The following TRAPPC12 variants were observed in gnomAD, a reference collection of about 807,000 sequenced individuals.
TRAPPC12 encodes TPR repeat protein 15.
TRAPPC12 carries 61 observed loss-of-function variants against 69.2 expected under a neutral mutation model. The observed-to-expected ratio is 0.88, with a 90% CI of 0.72 to 1.09. The LOEUF (loss-of-function observed/expected upper bound fraction) is 1.09, where lower values mean the gene tolerates loss of function less well. Among genes scored for constraint, TRAPPC12 ranks in the 50% least tolerant of loss-of-function variants. The probability of loss-of-function intolerance (pLI) is 0.00; values close to 1 mark genes in which losing one functional copy is unlikely to be tolerated. For missense variants in TRAPPC12, 1,101 were observed against 1,016.4 expected (o/e 1.08, Z -1.13); for synonymous variants, 469 against 438.9 (o/e 1.07, Z -0.86).
intron 8 of TRAPPC12, among the ~76,000 whole-genome samples, chr2:3,464,352 G>A (rs1180352378): frequency 1.3e-5 from 2 of 151,982 alleles, no homozygotes; most frequent in Non-Finnish European, 2.9e-5. Context: ...GTACTAGACT[G>A]GAGAGAGTCG....
Position 3,382,194 on chromosome 2 carries a change from G to A in TRAPPC12, c.-5+2318G>A, listed in dbSNP as rs1032071167. On this transcript the variant is annotated intron_variant, in intron 1 of 11. Coordinates refer to ENST00000324266, the MANE Select transcript of TRAPPC12 (RefSeq NM_016030.6). ...TCTGCCGCCAGGCTGGAGTGCAGTG[G>A]CACGATCTTGGCTCACTGCAACCTC... 4.1e-5 allele frequency among the ~76,000 whole-genome samples: 6 copies of A among 145,738 alleles called. No individual in the cohort carries two copies. The East Asian group carries it at 1.2e-3, about 29-fold the overall frequency.
At chr2:3,401,483 G>A (rs1661440153) in intron 2 of TRAPPC12, among the ~76,000 whole-genome samples, 1 of 152,180 alleles carries the variant, frequency 6.6e-6, no homozygotes, top group Non-Finnish European at 1.5e-5. Context: ...GGTAGTAGGC[G>A]GTAGGACTTA....
At chr2:3,428,736 T>G (rs1663258679) in intron 5 of TRAPPC12, among the ~76,000 whole-genome samples, 1 of 152,176 alleles carries the variant, frequency 6.6e-6, no homozygotes, top group Admixed American at 6.5e-5. Context: ...CTTGGTTGTT[T>G]GGAGACTCCC....
At chr2:3,388,796 T>A in intron 2 of TRAPPC12, 126 bp downstream of exon 2, 1 of 978,532 alleles carries the variant, frequency 1.0e-6, no homozygotes, top group Non-Finnish European at 1.5e-6. Context: ...CATCCCATTG[T>A]GAGCGCCTGT....
intron 5 of TRAPPC12, among the ~76,000 whole-genome samples, 181 bp downstream of exon 5, chr2:3,424,844 A>G (rs749832329): frequency 1.3e-5 from 2 of 152,228 alleles, no homozygotes; most frequent in Non-Finnish European, 2.9e-5. Flanking sequence ...CGAAACACTG[A>G]CCTGGAGGTG....
chr2:3,394,478 G>A (rs1034704019), intron 2 of TRAPPC12, among the ~76,000 whole-genome samples: 10 of 152,230 alleles, frequency 6.6e-5, no homozygotes, highest in African/African-American at 2.2e-4. Context: ...AAAAACAGCC[G>A]GACGTGGTGG....
intron 9 of TRAPPC12, chr2:3,466,165 G>A: frequency 2.3e-6 from 1 of 431,316 alleles, no homozygotes; most frequent in Non-Finnish European, 4.9e-6. Flanking sequence ...CCTTGAAGCT[G>A]GAATGCATTT....
At chr2:3,475,516 CTT>C (rs966872688) in intron 9 of TRAPPC12, among the ~76,000 whole-genome samples, 1 of 146,908 alleles carries the variant, frequency 6.8e-6, no homozygotes, top group Non-Finnish European at 1.5e-5. Flanking sequence ...TTGCTCCTAA[CTT>C]TTAGAAATCG....
rs1031991430 is a variant in TRAPPC12 at position 3,414,627 on chromosome 2, T to A, written c.1165-7254T>A. ...CGTTTCCTGAATCCTCAGGCATCAG[T>A]GCCTCACAGAGCTGTGTGCCAGCAG... On this transcript the variant is annotated intron_variant, in intron 3 of 11. Coordinates refer to ENST00000324266, the MANE Select transcript of TRAPPC12 (RefSeq NM_016030.6). The surrounding 1 kb of genome is among the most constrained non-coding windows in gnomAD (Gnocchi z 4.9). 6.6e-6 allele frequency among the ~76,000 whole-genome samples: 1 copy of A among 151,840 alleles called. No homozygotes were observed. Among genetic ancestry groups the A allele is most frequent in the African/African-American group, 2.4e-5 (1 of 41,286 alleles).
At chr2:3,383,028 G>C (rs1660298089) in intron 1 of TRAPPC12, among the ~76,000 whole-genome samples, 1 of 152,168 alleles carries the variant, frequency 6.6e-6, no homozygotes, top group Non-Finnish European at 1.5e-5. Flanking sequence ...AAAGTGATAA[G>C]ATAATGTGCT....
intron 2 of TRAPPC12, 106 bp from the exon 3 acceptor site, chr2:3,401,671 A>G (rs1661451577): frequency 4.6e-6 from 3 of 647,804 alleles, no homozygotes; most frequent in Non-Finnish European, 5.0e-6. Context: ...TTTTACCTCC[A>G]CAAGCCAGTG....
In TRAPPC12 at chr2:3,421,939, G is replaced by C; in HGVS notation, c.1223G>C (p.Gly408Ala). ...TGCGGACGTCTCCTCACAGCCCACG[G>C]CCAGGGCTACGGCAAGAGCGGGCTG... ...DLCGRLLTAHGQGYGKSGLLT... is the reference protein window; with the variant it reads ...DLCGRLLTAHAQGYGKSGLLT... Residue 408 changes from glycine (G) to alanine (A), a missense_variant, in exon 4 of 12, where the codon GGC becomes GCC. By Grantham distance (60) the Gly-to-Ala change is moderately conservative. Transcript: ENST00000324266. The C allele has an allele frequency of 6.2e-7, 1 of 1,613,758 alleles. No individual in the cohort carries two copies. Among genetic ancestry groups the C allele is most frequent in the Non-Finnish European group, 8.5e-7 (1 of 1,179,988 alleles).
chr2:3,460,370 T>C, intron 8 of TRAPPC12, 34 bp downstream of exon 8: 1 of 861,180 alleles, frequency 1.2e-6, no homozygotes. Flanking sequence ...TGCCATGTGA[T>C]CTGGAAGAGC....
chr2:3,430,243 C>T (rs994243123), intron 5 of TRAPPC12, among the ~76,000 whole-genome samples: 3 of 152,160 alleles, frequency 2.0e-5, no homozygotes, highest in Admixed American at 1.3e-4. Context: ...TGTACATTTC[C>T]CTTTGTACAT....
rs1348698222 is a variant in TRAPPC12 at position 3,414,838 on chromosome 2, T to G, written c.1165-7043T>G. Among the ~76,000 whole-genome samples the G allele has an allele frequency of 6.6e-6, 1 of 152,176 alleles. No individual in the cohort carries two copies. The highest frequency in any genetic ancestry group is 1.5e-5 in the Non-Finnish European group (1 of 68,034). ...CGTATTTCATAAACACACGTATGTG[T>G]GCATGTATGTATTTCTTATGGACAT... On this transcript the variant is annotated intron_variant, in intron 3 of 11. Coordinates refer to ENST00000324266, the MANE Select transcript of TRAPPC12 (RefSeq NM_016030.6). The surrounding 1 kb of genome is among the most constrained non-coding windows in gnomAD (Gnocchi z 4.9).
intron 3 of TRAPPC12, among the ~76,000 whole-genome samples, chr2:3,404,158 G>A (rs1035428604): frequency 3.9e-5 from 6 of 152,114 alleles, no homozygotes; most frequent in Admixed American, 3.3e-4. Context: ...CCCAGATCGC[G>A]GTTGTGTGAG....
intron 6 of TRAPPC12, among the ~76,000 whole-genome samples, chr2:3,444,156 A>G (rs1664382952): frequency 1.3e-5 from 2 of 152,212 alleles, no homozygotes; most frequent in Admixed American, 1.3e-4. Flanking sequence ...AAAGGCAGAG[A>G]CATCTTTCTT....
rs763502945 is a variant in TRAPPC12 at position 3,478,939 on chromosome 2, A to G, written c.1965+6A>G. The G allele has an allele frequency of 6.8e-6, 11 of 1,613,596 alleles. No individual in the cohort carries two copies. Among genetic ancestry groups the G allele is most frequent in the Non-Finnish European group, 9.3e-6 (11 of 1,179,616 alleles). ...TGGATCCAAGAAACGCAGTGGTAAG[A>G]TCCCCAAGCTGCAGGATCCTCCATC... is the stretch of plus-strand genomic sequence containing the variant. On this transcript the variant is annotated splice_donor_region_variant and intron_variant, in intron 11 of 11. Transcript: ENST00000324266.
Position 3,387,783 on chromosome 2 carries a change from G to C in TRAPPC12, c.160G>C (p.Gly54Arg), listed in dbSNP as rs1478342536. ...GSEENETASE[G>R]SSPLADKLNE... ...CGAAGAGAACGAGACCGCATCGGAA[G>C]GCTCGAGTCCTCTCGCGGACAAGCT... The change falls in exon 2 of 12, where the codon GGC becomes CGC. Residue 54 changes from glycine to arginine, a missense_variant. Physicochemically the swap from Gly to Arg is moderately radical, Grantham distance 125. Transcript: ENST00000324266. 6.2e-7 allele frequency: 1 copy of C among 1,613,326 alleles called. No individual in the cohort carries two copies. Among genetic ancestry groups the C allele is most frequent in the East Asian group, 2.2e-5 (1 of 44,824 alleles).
Sources: gnomAD v4.1 joint callset for allele counts (sites outside exome capture counted in the v4.1 genomes callset) on GRCh38, gnomAD v4.1.1 for gene constraint, Gnocchi (gnomAD v3.1) non-coding constraint, MANE v1.5 for transcripts, NCBI Gene and HGNC (gene_info 2026-07-23, HGNC 2026-07-21) for gene names.